The following KHDRBS2 variants were observed in gnomAD, a reference collection of about 807,000 sequenced individuals.
KHDRBS2 encodes the protein KH RNA binding domain containing, signal transduction associated 2, also known as KH domain-containing, RNA-binding, signal transduction-associated protein 2.
A neutral mutation model predicts 44.3 loss-of-function variants in KHDRBS2; 26 were observed. The ratio of observed to expected loss-of-function variants is 0.59; its 90% CI spans 0.43 to 0.81. KHDRBS2 has a LOEUF of 0.81. KHDRBS2 is among the 40% of genes least tolerant of loss of function. The pLI is 0.00. For missense variants in KHDRBS2, 476 were observed against 433.1 expected (o/e 1.10, Z -0.88); for synonymous variants, 194 against 151.1 (o/e 1.28, Z -2.08).
chr6:61,729,386 G>A (rs181952669), intron 7 of KHDRBS2, among the ~76,000 whole-genome samples: 46 of 152,214 alleles, frequency 3.0e-4, no homozygotes, highest in East Asian at 1.2e-3. Flanking sequence ...CTTAATACCT[G>A]GGTGATGAAA....
At chr6:61,561,692 T>G in the KHDRBS2 span, among the ~76,000 whole-genome samples, 2 of 152,156 alleles carry the variant, frequency 1.3e-5, no homozygotes, top group East Asian at 3.9e-4. Context: ...AAAAGACTCT[T>G]CGGTCAGCTT....
At chr6:62,252,885 A>C (rs1247822548) in intron 1 of KHDRBS2, among the ~76,000 whole-genome samples, 7 of 152,162 alleles carry the variant, frequency 4.6e-5, no homozygotes. Context: ...GTAGAATATT[A>C]AGTAAAACCC....
At chr6:61,941,968 GTAT>G (rs1207994724) in intron 4 of KHDRBS2, among the ~76,000 whole-genome samples, 1 of 151,770 alleles carries the variant, frequency 6.6e-6, no homozygotes, top group South Asian at 2.1e-4. Context: ...TATTATTATT[GTAT>G]TATTATTATT....
At chr6:61,563,393 C>T in the KHDRBS2 span, among the ~76,000 whole-genome samples, 1 of 152,050 alleles carries the variant, frequency 6.6e-6, no homozygotes. Context: ...GGTTTTAAAC[C>T]TCCTTAATTT....
chr6:61,701,760 T>G (rs1768720343), intron 7 of KHDRBS2, among the ~76,000 whole-genome samples: 1 of 152,022 alleles, frequency 6.6e-6, no homozygotes, highest in African/African-American at 2.4e-5. Context: ...CAGGATTTTA[T>G]AACTGTTATT....
chr6:62,135,258 C>G (rs1811254998), intron 2 of KHDRBS2, among the ~76,000 whole-genome samples: 1 of 152,124 alleles, frequency 6.6e-6, no homozygotes, highest in South Asian at 2.1e-4. Context: ...AGGGGAATCC[C>G]CTTTTGCTTG....
chr6:62,130,183 T>C (rs1809959746), intron 2 of KHDRBS2, among the ~76,000 whole-genome samples: 1 of 152,158 alleles, frequency 6.6e-6, no homozygotes, highest in African/African-American at 2.4e-5. Context: ...GAAGATAAAT[T>C]TAAAATTAGG....
the KHDRBS2 span, among the ~76,000 whole-genome samples, chr6:61,604,356 T>C: frequency 6.7e-6 from 1 of 148,704 alleles, no homozygotes; most frequent in African/African-American, 2.4e-5. Context: ...GCAACTAGTA[T>C]TCCAACTTTT....
intron 4 of KHDRBS2, among the ~76,000 whole-genome samples, chr6:61,973,770 A>G (rs1028337318): frequency 6.6e-6 from 1 of 152,174 alleles, no homozygotes; most frequent in Non-Finnish European, 1.5e-5. Context: ...TAAAGACTTA[A>G]GCCTGGCATG....
chr6:61,834,445 A>G (rs1199566931), intron 6 of KHDRBS2, among the ~76,000 whole-genome samples: 1 of 152,092 alleles, frequency 6.6e-6, no homozygotes, highest in Non-Finnish European at 1.5e-5. Context: ...AGATAAGATG[A>G]GTTCTTTTAC....
intron 1 of KHDRBS2, among the ~76,000 whole-genome samples, chr6:62,259,226 G>T (rs1046065188): frequency 6.6e-6 from 1 of 151,818 alleles, no homozygotes; most frequent in African/African-American, 2.4e-5. Flanking sequence ...AATAATCATG[G>T]ATAATTTCAG....
At chr6:62,115,907 C>T (rs1042462249) in intron 2 of KHDRBS2, among the ~76,000 whole-genome samples, 2 of 151,936 alleles carry the variant, frequency 1.3e-5, no homozygotes, top group African/African-American at 4.8e-5. Context: ...TGAATATTCT[C>T]TTAAATAAAA....
At chr6:61,689,979 C>T (rs1412127016) in intron 8 of KHDRBS2, among the ~76,000 whole-genome samples, 1 of 151,874 alleles carries the variant, frequency 6.6e-6, no homozygotes, top group African/African-American at 2.4e-5. Context: ...TGTTTTAGTC[C>T]AGAGCATTTA....
chr6:61,647,652 A>G, the KHDRBS2 span, among the ~76,000 whole-genome samples: 1 of 152,190 alleles, frequency 6.6e-6, no homozygotes, highest in Admixed American at 6.5e-5. Context: ...AAAAGTTTTC[A>G]TTTAATGTAT....
intron 1 of KHDRBS2, among the ~76,000 whole-genome samples, chr6:62,207,000 G>A (rs1322917353): frequency 6.6e-6 from 1 of 151,978 alleles, no homozygotes; most frequent in Non-Finnish European, 1.5e-5. Flanking sequence ...CTGCAGATGT[G>A]TGTGTGCATA....
intron 2 of KHDRBS2, among the ~76,000 whole-genome samples, chr6:62,066,489 T>C (rs557160523): frequency 1.3e-5 from 2 of 151,740 alleles, no homozygotes; most frequent in South Asian, 4.1e-4. Context: ...TATCAGATTT[T>C]TCATTATTGC....
rs575799130 is a variant in KHDRBS2 at position 62,097,243 on chromosome 6, CA to C, written c.220-49250del. On this transcript the variant is annotated intron_variant, in intron 2 of 8. Transcript: ENST00000281156. ...ATGTTCTGTATAGGTCTGTTAGGTT[CA>C]CTTGGTCTAGGGTACAATTTAACTC... 1.4e-3 allele frequency among the ~76,000 whole-genome samples: 212 copies of C among 151,810 alleles called. 1 individual carries two copies. The South Asian group carries it at 0.02, about 15-fold the overall frequency.
intron 2 of KHDRBS2, among the ~76,000 whole-genome samples, chr6:62,172,676 A>G (rs1451592426): frequency 6.7e-6 from 1 of 149,824 alleles, no homozygotes; most frequent in Non-Finnish European, 1.5e-5. Context: ...ACAATTGGCC[A>G]TAAAACAATC....
intron 2 of KHDRBS2, among the ~76,000 whole-genome samples, chr6:62,076,339 T>A (rs1305626671): frequency 6.6e-6 from 1 of 152,010 alleles, no homozygotes; most frequent in African/African-American, 2.4e-5. Context: ...TTGACATGAT[T>A]AAATTATAAT....
Sources: gnomAD v4.1 joint callset for allele counts (sites outside exome capture counted in the v4.1 genomes callset) on GRCh38, gnomAD v4.1.1 for gene constraint, MANE v1.5 for transcripts, NCBI Gene and HGNC (gene_info 2026-07-23, HGNC 2026-07-21) for gene names.